The following PRDM5 variants were observed in gnomAD, a reference collection of about 807,000 sequenced individuals.
The protein encoded by PRDM5 is PR domain zinc finger protein 5.
A neutral mutation model predicts 81.2 loss-of-function variants in PRDM5; 56 were observed. That is an observed-to-expected ratio of 0.69 (90% CI 0.56 to 0.86). The LOEUF is 0.86. Ranked by LOEUF, PRDM5 falls within the 40% of genes least tolerant of loss-of-function variation. The pLI is 0.00. For synonymous variants in PRDM5, 267 were observed against 256.4 expected (o/e 1.04, Z -0.39); for missense variants, 697 against 770.1 (o/e 0.91, Z 1.12).
intron 3 of PRDM5, among the ~76,000 whole-genome samples, chr4:120,851,075 G>A (rs1056127967): frequency 5.3e-5 from 8 of 152,066 alleles, no homozygotes; most frequent in Non-Finnish European, 1.2e-4. Context: ...GTAAATATAA[G>A]ATGAAACTCA....
At chr4:120,852,456 C>T (rs888377818) in intron 3 of PRDM5, among the ~76,000 whole-genome samples, 6 of 152,084 alleles carry the variant, frequency 3.9e-5, no homozygotes, top group African/African-American at 1.2e-4. Context: ...CTGACCTACC[C>T]CAGAGTAAGA....
chr4:120,770,468 T>C (rs1030107300), intron 13 of PRDM5, among the ~76,000 whole-genome samples: 4 of 149,652 alleles, frequency 2.7e-5, no homozygotes, highest in African/African-American at 7.3e-5. Flanking sequence ...ATTTCTCTTT[T>C]TTTTTTTTTT....
At chr4:120,770,445 C>G (rs12507367) in intron 13 of PRDM5, among the ~76,000 whole-genome samples, 6,864 of 146,186 alleles carry the variant, frequency 0.047, 308 homozygotes, top group Middle Eastern at 0.15. Flanking sequence ...ACCAAATTTG[C>G]TTTCTCCTTC....
At chr4:120,783,709 T>G (rs1161054127) in intron 11 of PRDM5, among the ~76,000 whole-genome samples, 1 of 152,154 alleles carries the variant, frequency 6.6e-6, no homozygotes, top group African/African-American at 2.4e-5. Context: ...CACATAATTC[T>G]TTTTAATAAG....
chr4:120,796,939 A>C (rs765372349), intron 10 of PRDM5, among the ~76,000 whole-genome samples: 1 of 152,206 alleles, frequency 6.6e-6, no homozygotes, highest in Non-Finnish European at 1.5e-5. Flanking sequence ...AAAATCAATA[A>C]GCAAGTATTT....
rs1197773542 is a variant in PRDM5 at position 120,712,841 on chromosome 4, T to A, written c.1624-2428A>T. On this transcript the variant is annotated intron_variant, in intron 14 of 15. Coordinates refer to ENST00000264808, the MANE Select transcript of PRDM5 (RefSeq NM_018699.4). The stretch of plus-strand genomic sequence containing the variant: ...TAAATAGCTGTATACCACAATTTAT[T>A]TATATACATTCTCCAGTGATGGATA... 2.0e-5 allele frequency among the ~76,000 whole-genome samples: 3 copies of A among 152,206 alleles called. No homozygotes were observed. In the East Asian group the frequency reaches 5.8e-4, roughly 29 times the overall value.
chr4:120,905,932 A>C (rs1372340541), intron 2 of PRDM5, among the ~76,000 whole-genome samples: 1 of 152,074 alleles, frequency 6.6e-6, no homozygotes, highest in African/African-American at 2.4e-5. Flanking sequence ...TATGATTATA[A>C]TACTATATTT....
chr4:120,698,992 T>C (rs900980053), intron 15 of PRDM5, among the ~76,000 whole-genome samples: 1 of 151,460 alleles, frequency 6.6e-6, no homozygotes, highest in Non-Finnish European at 1.5e-5. Flanking sequence ...TGTATTTATA[T>C]ATTATATTAA....
At chr4:120,734,852 T>C (rs965842586) in intron 14 of PRDM5, among the ~76,000 whole-genome samples, 2 of 152,222 alleles carry the variant, frequency 1.3e-5, no homozygotes, top group African/African-American at 4.8e-5. Context: ...GATCTTCCTA[T>C]GTGCACATAC....
At chr4:120,860,936 C>T (rs754859561) in intron 2 of PRDM5, among the ~76,000 whole-genome samples, 10 of 152,138 alleles carry the variant, frequency 6.6e-5, no homozygotes, top group Non-Finnish European at 1.2e-4. Context: ...TTTTATGAAG[C>T]CTTAGCGTTG....
downstream of PRDM5, chr4:120,684,813 T>TA (rs543400184): frequency 6.6e-6 from 1 of 152,058 alleles, no homozygotes; most frequent in Non-Finnish European, 1.5e-5. Flanking sequence ...ATGAATTACA[T>TA]AAAAAAATTA....
At chr4:120,857,597 T>C (rs755804833) in intron 2 of PRDM5, among the ~76,000 whole-genome samples, 1 of 152,178 alleles carries the variant, frequency 6.6e-6, no homozygotes, top group Non-Finnish European at 1.5e-5. Context: ...GTACCTTTTT[T>C]CAGCCTAAAA....
At chr4:120,914,853 C>A (rs140601502) in intron 1 of PRDM5, among the ~76,000 whole-genome samples, 1 of 152,104 alleles carries the variant, frequency 6.6e-6, no homozygotes, top group Non-Finnish European at 1.5e-5. Flanking sequence ...TCTCTGGCAG[C>A]GGCTTGGATC....
At chr4:120,711,838 C>T (rs10023476) in intron 14 of PRDM5, among the ~76,000 whole-genome samples, 4,895 of 152,056 alleles carry the variant, frequency 0.032, 263 homozygotes, top group African/African-American at 0.11. Flanking sequence ...CTTTTTAGCC[C>T]GGATTAATTG....
intron 1 of PRDM5, among the ~76,000 whole-genome samples, chr4:120,912,088 A>T (rs1469975439): frequency 2.0e-5 from 3 of 152,164 alleles, no homozygotes; most frequent in Non-Finnish European, 4.4e-5. Flanking sequence ...ATCCCTAATA[A>T]TATTACTGAT....
At chr4:120,852,236 G>A (rs981043442) in intron 3 of PRDM5, among the ~76,000 whole-genome samples, 2 of 152,136 alleles carry the variant, frequency 1.3e-5, no homozygotes, top group African/African-American at 4.8e-5. Flanking sequence ...AATAAAACAC[G>A]GTTCCCACCA....
intron 13 of PRDM5, among the ~76,000 whole-genome samples, chr4:120,765,532 C>T (rs939632117): frequency 5.3e-5 from 8 of 152,158 alleles, no homozygotes; most frequent in Non-Finnish European, 8.8e-5. Flanking sequence ...TTCAGCTGAC[C>T]CACAGAGTGC....
intron 8 of PRDM5, among the ~76,000 whole-genome samples, chr4:120,801,450 G>A (rs1752106433): frequency 6.6e-6 from 1 of 152,238 alleles, no homozygotes; most frequent in Admixed American, 6.5e-5. Context: ...GCAGTTTGAA[G>A]GTTGCCAACC....
At chr4:120,834,808 A>T (rs1757149955) in intron 3 of PRDM5, among the ~76,000 whole-genome samples, 1 of 152,160 alleles carries the variant, frequency 6.6e-6, no homozygotes, top group African/African-American at 2.4e-5. Context: ...TTCAACTATC[A>T]TCAAGCAAGG....
Sources: gnomAD v4.1 joint callset for allele counts (sites outside exome capture counted in the v4.1 genomes callset) on GRCh38, gnomAD v4.1.1 for gene constraint, MANE v1.5 for transcripts, NCBI Gene and HGNC (gene_info 2026-07-23, HGNC 2026-07-21) for gene names.